The following TTC28 variants were observed in gnomAD, a reference collection of about 807,000 sequenced individuals.
TTC28 encodes the protein tetratricopeptide repeat domain 28, also known as tetratricopeptide repeat protein 28.
A neutral mutation model predicts 198.0 loss-of-function variants in TTC28; 61 were observed. The ratio of observed to expected loss-of-function variants is 0.31; its 90% CI spans 0.25 to 0.38. The LOEUF (loss-of-function observed/expected upper bound fraction) is 0.38, where lower values mean the gene tolerates loss of function less well. Ranked by LOEUF, TTC28 falls within the 10% of genes least tolerant of loss-of-function variation. The pLI is 1.00. For missense variants in TTC28, 2,678 were observed against 3,164.0 expected (o/e 0.85, Z 3.69); for synonymous variants, 1,171 against 1,297.8 (o/e 0.90, Z 2.10).
At chr22:28,004,472 A>G (rs1259146273) in intron 14 of TTC28, among the ~76,000 whole-genome samples, 1 of 152,092 alleles carries the variant, frequency 6.6e-6, no homozygotes, top group Non-Finnish European at 1.5e-5. Flanking sequence ...GCTGGGAGAT[A>G]GGGAGGCTGT....
At chr22:28,444,988 G>T (rs934075562) in intron 2 of TTC28, among the ~76,000 whole-genome samples, 4 of 152,166 alleles carry the variant, frequency 2.6e-5, no homozygotes, top group Admixed American at 6.5e-5. Context: ...AGCACAGAAA[G>T]CTCAATAAAT....
At chr22:28,382,294 A>T (rs2046508637) in intron 2 of TTC28, among the ~76,000 whole-genome samples, 1 of 152,218 alleles carries the variant, frequency 6.6e-6, no homozygotes, top group Non-Finnish European at 1.5e-5. Context: ...TCATAATAAA[A>T]ATTATGACAA....
At chr22:28,374,848 ATTTTT>A (rs554465781) in intron 2 of TTC28, among the ~76,000 whole-genome samples, 4 of 149,370 alleles carry the variant, frequency 2.7e-5, no homozygotes, top group African/African-American at 9.8e-5. Flanking sequence ...TGCTCAGCTA[ATTTTT>A]TTTTTAATAT....
At chr22:28,606,252 T>A (rs2146134611) in intron 2 of TTC28, among the ~76,000 whole-genome samples, 1 of 152,118 alleles carries the variant, frequency 6.6e-6, no homozygotes, top group Non-Finnish European at 1.5e-5. Flanking sequence ...CATGGCTTTT[T>A]CTTTTCTTTT....
chr22:28,171,013 G>C (rs1455870109), intron 5 of TTC28, among the ~76,000 whole-genome samples: 1 of 149,794 alleles, frequency 6.7e-6, no homozygotes, highest in Non-Finnish European at 1.5e-5. Flanking sequence ...TTTGGCCAAG[G>C]AAAAGCATGC....
intron 6 of TTC28, among the ~76,000 whole-genome samples, chr22:28,128,998 T>C (rs537047412): frequency 6.6e-6 from 1 of 152,208 alleles, no homozygotes; most frequent in Non-Finnish European, 1.5e-5. Context: ...TCATAAAGAT[T>C]GCAAAAGATG....
rs1456565447 is a variant in TTC28 at position 28,108,182 on chromosome 22, A to T, written c.1663T>A (p.Ser555Thr). ...GCCACGGCAAGGTTCCCATGTGTGGAGGCCTGTGAGGCGCGGTCATTCACT... is the reference window on the plus strand; with the variant it reads ...GCCACGGCAAGGTTCCCATGTGTGGTGGCCTGTGAGGCGCGGTCATTCACT... ...MEVNDRASQA[S>T]THGNLAVAYQ... Residue 555 changes from serine to threonine, a missense_variant, in exon 7 of 23, where the codon TCC becomes ACC. Coordinates refer to ENST00000397906, the MANE Select transcript of TTC28 (RefSeq NM_001145418.2). 1.9e-6 allele frequency: 3 copies of T among 1,551,578 alleles called. No individual in the cohort carries two copies. Among genetic ancestry groups the T allele is most frequent in the Non-Finnish European group, 8.7e-7 (1 of 1,146,974 alleles).
intron 2 of TTC28, among the ~76,000 whole-genome samples, chr22:28,332,519 A>C (rs2045633056): frequency 6.6e-6 from 1 of 152,010 alleles, no homozygotes; most frequent in Non-Finnish European, 1.5e-5. Context: ...ATTAATGGCA[A>C]ATGTTAAACT....
intron 2 of TTC28, among the ~76,000 whole-genome samples, chr22:28,556,907 T>C (rs954446132): frequency 3.3e-5 from 5 of 152,196 alleles, no homozygotes; most frequent in Middle Eastern, 3.2e-3. Flanking sequence ...CCTCACAACA[T>C]GGTGATTGGC....
At chr22:28,170,312 C>A (rs1448049434) in intron 5 of TTC28, among the ~76,000 whole-genome samples, 1 of 151,428 alleles carries the variant, frequency 6.6e-6, no homozygotes, top group African/African-American at 2.4e-5. Flanking sequence ...ACGGTGAAAC[C>A]CCGTCTCTAT....
At chr22:28,614,361 C>A (rs1483393511) in intron 2 of TTC28, among the ~76,000 whole-genome samples, 2 of 152,214 alleles carry the variant, frequency 1.3e-5, no homozygotes, top group South Asian at 4.2e-4. Flanking sequence ...TGAAAATGGC[C>A]CTACTGCCCA....
intron 5 of TTC28, among the ~76,000 whole-genome samples, chr22:28,268,868 C>T (rs973176584): frequency 6.6e-6 from 1 of 152,112 alleles, no homozygotes; most frequent in Non-Finnish European, 1.5e-5. Flanking sequence ...ATTTCTACTT[C>T]TATTTTGGTG....
intron 1 of TTC28, among the ~76,000 whole-genome samples, chr22:28,669,814 A>G: frequency 6.6e-6 from 1 of 152,156 alleles, no homozygotes; most frequent in Non-Finnish European, 1.5e-5. Flanking sequence ...AGGAGATGTA[A>G]GAGAGTCTAC....
chr22:28,232,653 A>C (rs753669001), intron 5 of TTC28: 2 of 152,266 alleles, frequency 1.3e-5, no homozygotes, highest in Non-Finnish European at 2.9e-5. Flanking sequence ...TGAGTGGTAC[A>C]CCAGCTAGAA....
At chr22:28,367,560 G>C (rs951278199) in intron 2 of TTC28, among the ~76,000 whole-genome samples, 4 of 151,536 alleles carry the variant, frequency 2.6e-5, no homozygotes, top group African/African-American at 9.7e-5. Context: ...AAAATTAATA[G>C]AGAAATAATG....
intron 2 of TTC28, among the ~76,000 whole-genome samples, chr22:28,561,278 G>A (rs866545980): frequency 2.5e-4 from 37 of 148,684 alleles, no homozygotes; most frequent in Non-Finnish European, 4.0e-4. Flanking sequence ...GGGTTTCACC[G>A]TGTTGGCCAG....
chr22:28,218,109 T>C lies in TTC28; in HGVS notation c.934-54510A>G, dbSNP rs542357161. On this transcript the variant is annotated intron_variant, in intron 5 of 22. Transcript: ENST00000397906. ...TACCATTATACCAAAACTTGACACGTGCTTTTTTAAGGTTAGCTGCAATGT... is the reference window on the plus strand; with the variant it reads ...TACCATTATACCAAAACTTGACACGCGCTTTTTTAAGGTTAGCTGCAATGT... Among the ~76,000 whole-genome samples, 8 of 152,362 alleles carry C rather than the reference T, an allele frequency of 5.3e-5. No individual in the cohort carries two copies. In the South Asian group the frequency reaches 1.7e-3, roughly 32 times the overall value.
intron 5 of TTC28, among the ~76,000 whole-genome samples, chr22:28,251,856 GT>G (rs1601532317): frequency 6.6e-6 from 1 of 152,072 alleles, no homozygotes; most frequent in East Asian, 1.9e-4. Context: ...CATATTCCAT[GT>G]GATTAAAAAC....
At chr22:28,393,069 G>C (rs917960169) in intron 2 of TTC28, among the ~76,000 whole-genome samples, 1 of 151,820 alleles carries the variant, frequency 6.6e-6, no homozygotes, top group Non-Finnish European at 1.5e-5. Context: ...TTTTTGTAGA[G>C]ATGAGGTCTT....
Sources: allele counts gnomAD v4.1 joint callset (sites outside exome capture counted in the v4.1 genomes callset), GRCh38; gene constraint gnomAD v4.1.1; transcripts MANE v1.5; gene names NCBI Gene and HGNC (gene_info 2026-07-23, HGNC 2026-07-21).